INPPL1: variants seen among roughly 807,000 people sequenced by gnomAD.
INPPL1 encodes inositol polyphosphate phosphatase like 1, also known as phosphatidylinositol 3,4,5-trisphosphate 5-phosphatase 2.
INPPL1 carries 91 observed loss-of-function variants against 139.3 expected under a neutral mutation model. The observed-to-expected ratio is 0.65, with a 90% CI of 0.55 to 0.78. The LOEUF (loss-of-function observed/expected upper bound fraction) is 0.78. Among genes scored for constraint, INPPL1 ranks in the 30% least tolerant of loss-of-function variants. The pLI, the probability that INPPL1 is intolerant of heterozygous loss-of-function variation, is 0.00. For missense variants in INPPL1, 1,411 were observed against 1,665.6 expected (o/e 0.85, Z 2.66); for synonymous variants, 719 against 686.6 (o/e 1.05, Z -0.74).
Position 72,238,322 on chromosome 11 carries a change from T to C in INPPL1, c.3746T>C (p.Leu1249Pro). The change falls in exon 28 of 28, where the codon CTC becomes CCC. Residue 1249 changes from leucine (L) to proline (P), a missense_variant. Physicochemically the swap from Leu to Pro is moderately conservative, Grantham distance 98 (BLOSUM62 -3). Around this residue, in one of 5 missense-constraint regions of INPPL1, gnomAD observed 438 missense variants for 425.7 expected, o/e 1.03. Transcript: ENST00000298229. ...GTGCAGGACCCGGCTCACAAGCGCC[T>C]CCTTCTGGACACCCTGCAGCTCAGC... ...AGVQDPAHKR[L>P]LLDTLQLSK 2 of 1,589,062 alleles carry C rather than the reference T, an allele frequency of 1.3e-6. No homozygotes were observed. Among genetic ancestry groups the C allele is most frequent in the Non-Finnish European group, 1.7e-6 (2 of 1,168,712 alleles).
Position 72,229,981 on chromosome 11 carries a change from A to G in INPPL1, c.901A>G (p.Thr301Ala). ...STAPPAPQPSTRKAKTIPVQA... is the reference protein window; with the variant it reads ...STAPPAPQPSARKAKTIPVQA... ...AGCACCCCCAGCTCCGCAGCCATCC[A>G]CACGTAAGGCCAAGACCATCCCCGT... The change falls in exon 8 of 28, where the codon ACA becomes GCA. Residue 301 changes from threonine to alanine, a missense_variant. By Grantham distance (58) the Thr-to-Ala change is moderately conservative. Around this residue, in one of 5 missense-constraint regions of INPPL1, gnomAD observed 504 missense variants for 595.6 expected, o/e 0.85. Transcript: ENST00000298229. The G allele has an allele frequency of 6.2e-7, 1 of 1,614,170 alleles. No individual in the cohort carries two copies.
rs967197977 is a variant in INPPL1 at position 72,239,133 on chromosome 11, T to G, written c.*780T>G. ...GAGTAAAACTTCAATAAATTACAAG[T>G]TTTTCAAAGAAAAAGGACAACCAAA... On this transcript the variant is annotated 3_prime_UTR_variant, in exon 28 of 28. Transcript: ENST00000298229. The G allele has an allele frequency of 6.6e-6, 1 of 152,052 alleles. No individual in the cohort carries two copies. Among genetic ancestry groups the G allele is most frequent in the Non-Finnish European group, 1.5e-5 (1 of 68,014 alleles). 9.4% of individuals were successfully genotyped at this position (152,052 alleles called of 1,614,324 possible).
chr11:72,225,013 CG>C lies in INPPL1; in HGVS notation c.35del (p.Gly12AlafsTer15). On this transcript the variant is annotated frameshift_variant, in exon 1 of 28. Coordinates refer to ENST00000298229, the MANE Select transcript of INPPL1 (RefSeq NM_001567.4). LOFTEE classifies it high-confidence loss of function. MASACGAPG[P>X]GGALGSQAPS... Reference sequence around the variant, plus strand: ...GCCTCGGCCTGCGGGGCGCCGGGCCCGGGGGGCGCCCTGGGCAGCCAGGCCC... The same window carrying C: ...GCCTCGGCCTGCGGGGCGCCGGGCCCGGGGGCGCCCTGGGCAGCCAGGCCC... The C allele has an allele frequency of 8.2e-6, 10 of 1,212,764 alleles. No homozygotes were observed. The highest frequency in any genetic ancestry group is 3.3e-5 in the East Asian group (1 of 30,016). 75.1% of individuals were successfully genotyped at this position (1,212,764 alleles called of 1,614,324 possible).
chr11:72,226,330 G>A (rs547939252), intron 1 of INPPL1, among the ~76,000 whole-genome samples: 8 of 151,978 alleles, frequency 5.3e-5, no homozygotes, highest in African/African-American at 1.2e-4. Flanking sequence ...ACAGGCGCTC[G>A]CCACCAAGCC....
chr11:72,237,969 A>G (rs1949043239), intron 26 of INPPL1, 73 bp from the exon 27 acceptor site: 2 of 1,483,872 alleles, frequency 1.3e-6, no homozygotes, highest in Non-Finnish European at 1.8e-6. Flanking sequence ...TCCCCAGAGC[A>G]TGCAGCAGAA....
At chr11:72,232,404 C>A in intron 14 of INPPL1, 68 bp downstream of exon 14, 1 of 1,411,956 alleles carries the variant, frequency 7.1e-7, no homozygotes, top group Non-Finnish European at 9.8e-7. Context: ...TTCCCGCTCC[C>A]ATACCCTAGC....
chr11:72,229,916 C>G lies in INPPL1; in HGVS notation c.844-8C>G, dbSNP rs374759772. 2.5e-6 allele frequency: 4 copies of G among 1,613,438 alleles called. No homozygotes were observed. Among genetic ancestry groups the G allele is most frequent in the Admixed American group, 3.3e-5 (2 of 60,012 alleles). Reference sequence around the variant, plus strand: ...CCCCTGACCCCGCCCTGCCCTTGTTCCCTCCAGGCCCTGAAGGCCCTACAG... The same window carrying G: ...CCCCTGACCCCGCCCTGCCCTTGTTGCCTCCAGGCCCTGAAGGCCCTACAG... On this transcript the variant is annotated splice_polypyrimidine_tract_variant and splice_region_variant and intron_variant, in intron 7 of 27. Coordinates refer to ENST00000298229, the MANE Select transcript of INPPL1 (RefSeq NM_001567.4).
intron 14 of INPPL1, 69 bp downstream of exon 14, chr11:72,232,405 A>T: frequency 7.1e-7 from 1 of 1,413,006 alleles, no homozygotes. Context: ...TCCCGCTCCC[A>T]TACCCTAGCC....
In INPPL1 at chr11:72,231,500, T is replaced by G; in HGVS notation, c.1500T>G (p.Ile500Met). 1 of 1,612,036 alleles carries G rather than the reference T, an allele frequency of 6.2e-7. No individual in the cohort carries two copies. The highest frequency in any genetic ancestry group is 8.5e-7 in the Non-Finnish European group (1 of 1,178,348). ...KELTDLDYRPIAMQSLWNIKV... is the reference protein window; with the variant it reads ...KELTDLDYRPMAMQSLWNIKV... ...GTGACCATGCACTCTCTACCCAGAT[T>G]GCCATGCAATCACTGTGGAATATCA... is the stretch of plus-strand genomic sequence containing the variant. The change falls in exon 13 of 28, where the codon ATT (isoleucine) becomes ATG (methionine). Residue 500 changes from isoleucine (I) to methionine (M), a missense_variant and splice_region_variant. This residue lies in a region of INPPL1 where 363 missense variants were observed against 446.2 expected (regional missense o/e 0.81). Transcript: ENST00000298229.
At chr11:72,226,177 C>CTTTTTT (rs772547413) in intron 1 of INPPL1, among the ~76,000 whole-genome samples, 1 of 129,814 alleles carries the variant, frequency 7.7e-6, no homozygotes, top group African/African-American at 3.0e-5. Flanking sequence ...CAGGGGAGAC[C>CTTTTTT]TTTTTTTTTT....
chr11:72,235,024 G>T lies in INPPL1; in HGVS notation c.2416-92G>T. On this transcript the variant is annotated intron_variant, in intron 21 of 27. Transcript: ENST00000298229. The surrounding 1 kb of genome is among the most constrained non-coding windows in gnomAD (Gnocchi z 4.9). ...GTGAGTGAGCACAGATGACCTGAGG[G>T]TGGGGATTGAGTGGTGTCAGGGGGC... 3.0e-6 allele frequency: 3 copies of T among 986,164 alleles called. No individual in the cohort carries two copies. The highest frequency in any genetic ancestry group is 4.7e-6 in the Non-Finnish European group (3 of 639,250). 61.1% of individuals were successfully genotyped at this position (986,164 alleles called of 1,614,324 possible). A position where few individuals can be genotyped will look rare whatever the true frequency, so the allele number is the denominator to read the frequency against.
Position 72,235,515 on chromosome 11 carries a change from G to A in INPPL1, c.2659+64G>A. 5.7e-6 allele frequency: 9 copies of A among 1,577,824 alleles called. No homozygotes were observed. The highest frequency in any genetic ancestry group is 7.8e-6 in the Non-Finnish European group (9 of 1,158,606). ...ACAGATCAAGGAGGGCAGGGTGCGG[G>A]GGGCATGTTGGAATCTCTGGGATAC... is the stretch of plus-strand genomic sequence containing the variant. On this transcript the variant is annotated intron_variant, in intron 23 of 27. Coordinates refer to ENST00000298229, the MANE Select transcript of INPPL1 (RefSeq NM_001567.4). The surrounding 1 kb of genome is among the most constrained non-coding windows in gnomAD (Gnocchi z 4.9).
Position 72,232,618 on chromosome 11 carries a change from C to T in INPPL1, c.1713-8C>T. 2 of 1,613,198 alleles carry T rather than the reference C, an allele frequency of 1.2e-6. No homozygotes were observed. Among genetic ancestry groups the T allele is most frequent in the Non-Finnish European group, 1.7e-6 (2 of 1,179,702 alleles). On this transcript the variant is annotated splice_region_variant and splice_polypyrimidine_tract_variant and intron_variant, in intron 14 of 27. Transcript: ENST00000298229. ...CTACCCCTCCCCACCACGCACCCCT[C>T]ACCCTAGGAGGAACCAAAACTACTT...
In INPPL1 at chr11:72,228,462, C is replaced by T; in HGVS notation, c.361C>T (p.Arg121Ter). The change falls in exon 3 of 28, where the codon CGA (arginine) becomes TGA (stop). Residue 121 changes from arginine (R) to a stop codon, truncating the protein, a stop_gained. Coordinates refer to ENST00000298229, the MANE Select transcript of INPPL1 (RefSeq NM_001567.4). LOFTEE classifies it high-confidence loss of function. This position sits in a 1 kb window ranked among gnomAD's most constrained non-coding sequence, Gnocchi z 5.0. ...CCTGCTTCTTCCTGTAGAGGGTGAGCGAGAGCCGGACCCACCGGATGACCG... is the reference window on the plus strand; with the variant it reads ...CCTGCTTCTTCCTGTAGAGGGTGAGTGAGAGCCGGACCCACCGGATGACCG... ...CALLLPVEGE[R>*]EPDPPDDRDA... 3 of 1,610,406 alleles carry T rather than the reference C, an allele frequency of 1.9e-6. No homozygotes were observed. The highest frequency in any genetic ancestry group is 2.5e-6 in the Non-Finnish European group (3 of 1,179,982).
Position 72,228,263 on chromosome 11 carries a change from T to C in INPPL1, c.246+10T>C. On this transcript the variant is annotated intron_variant, in intron 2 of 27. Coordinates refer to ENST00000298229, the MANE Select transcript of INPPL1 (RefSeq NM_001567.4). This position sits in a 1 kb window ranked among gnomAD's most constrained non-coding sequence, Gnocchi z 5.0. ...TTTCTTGGCTGTGCAGGTAGGAGCT[T>C]GGGCCCCTGACCCCTGACCTTGATC... The C allele has an allele frequency of 6.2e-7, 1 of 1,614,128 alleles. No individual in the cohort carries two copies. The highest frequency in any genetic ancestry group is 8.5e-7 in the Non-Finnish European group (1 of 1,179,980).
rs534698672 is a variant in INPPL1 at position 72,227,864 on chromosome 11, A to G, written c.183-326A>G. 3 of 399,910 alleles carry G rather than the reference A, an allele frequency of 7.5e-6. No individual in the cohort carries two copies. The Admixed American group carries it at 1.1e-4, about 15-fold the overall frequency. The allele number at this position is 399,910 out of a possible 1,614,324, so 24.8% of individuals were successfully genotyped here. ...CTGGCGGGGAGCCCAGACTGGTACC[A>G]CAGCCCAGAGGGGCTGTTTAGACAG... On this transcript the variant is annotated intron_variant, in intron 1 of 27. Transcript: ENST00000298229.
In INPPL1 at chr11:72,238,485, T is replaced by C. The variant is rs1949066726; in HGVS notation, c.*132T>C. On this transcript the variant is annotated 3_prime_UTR_variant, in exon 28 of 28. Coordinates refer to ENST00000298229, the MANE Select transcript of INPPL1 (RefSeq NM_001567.4). ...GCCTATTTATTGGGGTGCCTATTTATTGGGGATCTGCATTCCCCGCTGCCC... is the reference window on the plus strand; with the variant it reads ...GCCTATTTATTGGGGTGCCTATTTACTGGGGATCTGCATTCCCCGCTGCCC... 1.5e-6 allele frequency: 1 copy of C among 687,376 alleles called. No individual in the cohort carries two copies. The highest frequency in any genetic ancestry group is 2.3e-6 in the Non-Finnish European group (1 of 438,546). The allele number at this position is 687,376 out of a possible 1,614,324, so 42.6% of individuals were successfully genotyped here. A position where few individuals can be genotyped will look rare whatever the true frequency, so the allele number is the denominator to read the frequency against.
rs1208262350 is a variant in INPPL1 at position 72,234,535 on chromosome 11, A to G, written c.2335A>G (p.Lys779Glu). Reference sequence around the variant, plus strand: ...TCCCACCCCCACCCCAGAATACAAGAAGAGCTTTGAGAATGATGCCCAGAG... The same window carrying G: ...TCCCACCCCCACCCCAGAATACAAGGAGAGCTTTGAGAATGATGCCCAGAG... ...FYSTCLEEYK[K>E]SFENDAQSSD... Residue 779 changes from lysine to glutamate, a missense_variant, in exon 21 of 28, where the codon AAG becomes GAG. Lys to Glu is a moderately conservative substitution (Grantham distance 56). Coordinates refer to ENST00000298229, the MANE Select transcript of INPPL1 (RefSeq NM_001567.4). The surrounding 1 kb of genome is among the most constrained non-coding windows in gnomAD (Gnocchi z 4.2). 6.2e-7 allele frequency: 1 copy of G among 1,612,984 alleles called. No individual in the cohort carries two copies. Among genetic ancestry groups the G allele is most frequent in the South Asian group, 1.1e-5 (1 of 91,058 alleles).
intron 5 of INPPL1, 90 bp downstream of exon 5, chr11:72,229,320 A>T: frequency 6.9e-7 from 1 of 1,454,982 alleles, no homozygotes; most frequent in Admixed American, 1.8e-5. Context: ...CTGATCTCTG[A>T]TCCTGAACAG....
Sources: gnomAD v4.1 joint callset for allele counts (sites outside exome capture counted in the v4.1 genomes callset) on GRCh38, gnomAD v4.1.1 for gene constraint, gnomAD v4.1.1 regional missense constraint, Gnocchi (gnomAD v3.1) non-coding constraint, MANE v1.5 for transcripts, NCBI Gene and HGNC (gene_info 2026-07-23, HGNC 2026-07-21) for gene names.